The following KCNN3 variants were observed in gnomAD, a reference collection of about 807,000 sequenced individuals.
KCNN3 encodes potassium calcium-activated channel subfamily N member 3, also known as small conductance calcium-activated potassium channel protein 3.
Under a neutral mutation model 62.9 loss-of-function variants are expected in KCNN3, and 16 were observed. The observed-to-expected ratio is 0.25, with a 90% confidence interval of 0.17 to 0.39. The LOEUF (loss-of-function observed/expected upper bound fraction) is 0.39, where lower values mean the gene tolerates loss of function less well. KCNN3 is among the 10% of genes least tolerant of loss of function. KCNN3 has a pLI of 1.00. For missense variants in KCNN3, 599 were observed against 949.4 expected (o/e 0.63, Z 4.85); for synonymous variants, 370 against 389.2 (o/e 0.95, Z 0.58).
At chr1:154,742,249 A>C in intron 3 of KCNN3, among the ~76,000 whole-genome samples, 1 of 151,942 alleles carries the variant, frequency 6.6e-6, no homozygotes, top group Non-Finnish European at 1.5e-5. Flanking sequence ...CACCCAGCCA[A>C]CCCCAGCTCT....
chr1:154,772,523 T>C lies in KCNN3; in HGVS notation c.1030-130A>G, dbSNP rs1223617484. The stretch of plus-strand genomic sequence containing the variant: ...TCAGCCTGACCACCTCAGCATGCTC[T>C]TTAGGGGCCTTGCTATGTGGCAAGA... On this transcript the variant is annotated intron_variant, in intron 2 of 7. Coordinates refer to ENST00000271915, the MANE Select transcript of KCNN3 (RefSeq NM_002249.6). This position sits in a 1 kb window ranked among gnomAD's most constrained non-coding sequence, Gnocchi z 5.6. The C allele has an allele frequency of 1.2e-6, 1 of 818,298 alleles. No individual in the cohort carries two copies. Among genetic ancestry groups the C allele is most frequent in the Non-Finnish European group, 2.1e-6 (1 of 486,796 alleles). 50.7% of individuals were successfully genotyped at this position (818,298 alleles called of 1,614,324 possible).
At chr1:154,859,502 G>C (rs1046476850) in intron 1 of KCNN3, among the ~76,000 whole-genome samples, 4 of 152,316 alleles carry the variant, frequency 2.6e-5, no homozygotes, top group East Asian at 1.9e-4. Flanking sequence ...GAGAGTTTGA[G>C]GCACAGAGCT....
intron 3 of KCNN3, among the ~76,000 whole-genome samples, chr1:154,738,222 G>A (rs1425945805): frequency 6.6e-6 from 1 of 152,160 alleles, no homozygotes; most frequent in Non-Finnish European, 1.5e-5. Context: ...AGCTTTAGGG[G>A]TTTTGGGGGA....
At chr1:154,748,720 G>C (rs1700991913) in intron 3 of KCNN3, among the ~76,000 whole-genome samples, 1 of 152,176 alleles carries the variant, frequency 6.6e-6, no homozygotes, top group Admixed American at 6.5e-5. Context: ...AAGCACTTTG[G>C]GAGGCTGAGA....
intron 5 of KCNN3, among the ~76,000 whole-genome samples, chr1:154,718,534 T>G (rs1700279219): frequency 6.6e-6 from 1 of 152,264 alleles, no homozygotes; most frequent in African/African-American, 2.4e-5. Context: ...GACCCACTGC[T>G]GAACTCTCTG....
At chr1:154,714,280 T>G (rs1473066730) in intron 6 of KCNN3, among the ~76,000 whole-genome samples, 3 of 119,094 alleles carry the variant, frequency 2.5e-5, no homozygotes, top group Admixed American at 8.8e-5. Flanking sequence ...GTGGTGTGTG[T>G]GGTGTGTGGT....
At chr1:154,731,548 GC>G (rs748318556) in intron 4 of KCNN3, among the ~76,000 whole-genome samples, 59 of 152,328 alleles carry the variant, frequency 3.9e-4, no homozygotes, top group Admixed American at 5.9e-4. Flanking sequence ...AGTGGGGGCA[GC>G]CCCCAGCCGC....
At chr1:154,723,357 G>A (rs1700397478) in intron 5 of KCNN3, among the ~76,000 whole-genome samples, 1 of 152,220 alleles carries the variant, frequency 6.6e-6, no homozygotes, top group South Asian at 2.1e-4. Flanking sequence ...AGTGTTCTCA[G>A]AAAAGTGAGA....
At position 154,768,214 on chromosome 1, in the gene KCNN3, C is replaced by T. The variant is rs1223550740; in HGVS notation, c.1448+3761G>A. 3.3e-5 allele frequency among the ~76,000 whole-genome samples: 5 copies of T among 152,334 alleles called. No individual in the cohort carries two copies. The East Asian group carries it at 9.6e-4, about 29-fold the overall frequency. ...ACTACCCTGGTCTGACGCTTCAGTT[C>T]CCCAAAGCTTCCCCTGCTTCCAGCT... On this transcript the variant is annotated intron_variant, in intron 3 of 7. Coordinates refer to ENST00000271915, the MANE Select transcript of KCNN3 (RefSeq NM_002249.6).
intron 2 of KCNN3, among the ~76,000 whole-genome samples, chr1:154,790,601 G>A (rs1489119685): frequency 6.6e-6 from 1 of 152,180 alleles, no homozygotes; most frequent in Non-Finnish European, 1.5e-5. Flanking sequence ...CTCTGCCGCT[G>A]CCCAACATCA....
intron 5 of KCNN3, among the ~76,000 whole-genome samples, chr1:154,721,031 A>G (rs1233506275): frequency 6.6e-6 from 1 of 152,098 alleles, no homozygotes; most frequent in Non-Finnish European, 1.5e-5. Context: ...AAGTTAGGAG[A>G]AGGAAATAGT....
chr1:154,780,726 G>A (rs1291848954), intron 2 of KCNN3, among the ~76,000 whole-genome samples: 4 of 151,914 alleles, frequency 2.6e-5, no homozygotes, highest in Non-Finnish European at 4.4e-5. Flanking sequence ...GTTTCCCTGA[G>A]GACAGGAGCT....
At chr1:154,770,697 A>G (rs1212444123) in intron 3 of KCNN3, among the ~76,000 whole-genome samples, 1 of 152,222 alleles carries the variant, frequency 6.6e-6, no homozygotes, top group African/African-American at 2.4e-5. Context: ...TAGGTCTCAC[A>G]GCTACTTAGG....
chr1:154,750,486 G>T (rs1291163165), intron 3 of KCNN3, among the ~76,000 whole-genome samples: 1 of 152,196 alleles, frequency 6.6e-6, no homozygotes, highest in Non-Finnish European at 1.5e-5. Flanking sequence ...TCACCTGTGG[G>T]GTCTGAAGGG....
At chr1:154,735,804 AC>A (rs1700701763) in intron 3 of KCNN3, among the ~76,000 whole-genome samples, 1 of 152,152 alleles carries the variant, frequency 6.6e-6, no homozygotes, top group Middle Eastern at 3.4e-3. Context: ...ATGGTGGCAG[AC>A]CCTATCCTCA....
At position 154,706,114 on chromosome 1, in the gene KCNN3, A is replaced by G. The variant is rs1699961258; in HGVS notation, c.*1862T>C. On this transcript the variant is annotated 3_prime_UTR_variant, in exon 8 of 8. Transcript: ENST00000271915. ...GGAATTATCAAGGCAGGCCATTAAG[A>G]CTATAAACCATCAAAAGAGCAGCAG... 6.6e-6 allele frequency: 1 copy of G among 152,246 alleles called. No individual in the cohort carries two copies. The highest frequency in any genetic ancestry group is 1.5e-5 in the Non-Finnish European group (1 of 68,040). 9.4% of individuals were successfully genotyped at this position (152,246 alleles called of 1,614,324 possible).
intron 1 of KCNN3, chr1:154,859,584 C>T: frequency 9.6e-7 from 1 of 1,036,450 alleles, no homozygotes; most frequent in South Asian, 1.3e-5. Context: ...CTGCAGGGCC[C>T]CCTCAGCTCA....
intron 2 of KCNN3, among the ~76,000 whole-genome samples, chr1:154,776,839 C>G (rs905992186): frequency 6.6e-6 from 1 of 152,204 alleles, no homozygotes; most frequent in African/African-American, 2.4e-5. Context: ...GGCCCAGGCC[C>G]ACCCCAGGCC....
chr1:154,852,778 T>C (rs1432497214), intron 1 of KCNN3, among the ~76,000 whole-genome samples: 1 of 152,216 alleles, frequency 6.6e-6, no homozygotes, highest in Non-Finnish European at 1.5e-5. Context: ...ATTTTTAATA[T>C]GGCTACTCAG....
Sources: gnomAD v4.1 joint callset for allele counts (sites outside exome capture counted in the v4.1 genomes callset) on GRCh38, gnomAD v4.1.1 for gene constraint, Gnocchi (gnomAD v3.1) non-coding constraint, MANE v1.5 for transcripts, NCBI Gene and HGNC (gene_info 2026-07-23, HGNC 2026-07-21) for gene names.